FAM107B: variants seen among roughly 807,000 people sequenced by gnomAD.
FAM107B encodes the protein protein FAM107B.
A neutral mutation model predicts 31.5 loss-of-function variants in FAM107B; 21 were observed. That is an observed-to-expected ratio of 0.67 (90% CI 0.47 to 0.96). FAM107B has a LOEUF of 0.96. Among genes scored for constraint, FAM107B ranks in the 40% least tolerant of loss-of-function variants. The pLI is 0.00. For synonymous variants in FAM107B, 157 were observed against 141.5 expected (o/e 1.11, Z -0.78); for missense variants, 452 against 377.1 (o/e 1.20, Z -1.64).
intron 2 of FAM107B, among the ~76,000 whole-genome samples, chr10:14,560,544 G>A (rs1208510509): frequency 6.6e-6 from 1 of 152,172 alleles, no homozygotes; most frequent in Non-Finnish European, 1.5e-5. Context: ...GACTCACTAG[G>A]TAAGCTTGGG....
At chr10:14,647,046 G>T (rs1031662735) in intron 2 of FAM107B, among the ~76,000 whole-genome samples, 1 of 151,742 alleles carries the variant, frequency 6.6e-6, no homozygotes, top group African/African-American at 2.4e-5. Context: ...CGCCTGCCTC[G>T]GCCTCCCAAA....
chr10:14,547,742 A>C (rs566619449), intron 2 of FAM107B, among the ~76,000 whole-genome samples: 1 of 152,350 alleles, frequency 6.6e-6, no homozygotes, highest in South Asian at 2.1e-4. Context: ...TTTCACTCTT[A>C]AAAAGAAAAA....
intron 2 of FAM107B, among the ~76,000 whole-genome samples, chr10:14,552,000 A>G: frequency 6.6e-6 from 1 of 152,300 alleles, no homozygotes; most frequent in East Asian, 1.9e-4. Flanking sequence ...CTTCTGTGAC[A>G]TATGGTGTAG....
chr10:14,676,250 T>C (rs1264321206), intron 1 of FAM107B, among the ~76,000 whole-genome samples: 1 of 151,866 alleles, frequency 6.6e-6, no homozygotes, highest in African/African-American at 2.4e-5. Flanking sequence ...TTACTGGACG[T>C]AATTTTAGAA....
intron 2 of FAM107B, among the ~76,000 whole-genome samples, chr10:14,631,840 C>T (rs1471267486): frequency 1.3e-5 from 2 of 152,130 alleles, no homozygotes; most frequent in African/African-American, 4.8e-5. Flanking sequence ...AATCTGTGAC[C>T]CTCTGTCACC....
At chr10:14,670,379 G>T (rs185947993) in intron 1 of FAM107B, among the ~76,000 whole-genome samples, 1 of 152,122 alleles carries the variant, frequency 6.6e-6, no homozygotes, top group Admixed American at 6.6e-5. Context: ...TTTGAAGTGG[G>T]TATGAATTAA....
intron 2 of FAM107B, among the ~76,000 whole-genome samples, chr10:14,551,889 T>C (rs1315450452): frequency 2.0e-5 from 3 of 152,222 alleles, no homozygotes. Context: ...CAGAACCTTC[T>C]TGGTGGCCTG....
intron 3 of FAM107B, among the ~76,000 whole-genome samples, chr10:14,527,759 T>G (rs1465865047): frequency 6.6e-6 from 1 of 152,202 alleles, no homozygotes. Flanking sequence ...TCAAGACTGG[T>G]TATTCATTAA....
chr10:14,671,904 C>A (rs72770529), intron 1 of FAM107B, among the ~76,000 whole-genome samples: 77,466 of 137,638 alleles, frequency 0.56, 21,856 homozygotes, highest in South Asian at 0.65. Flanking sequence ...AAAAAAAAAA[C>A]CCTCTATTTC....
chr10:14,660,040 C>A (rs997008728), intron 2 of FAM107B, among the ~76,000 whole-genome samples: 5 of 152,142 alleles, frequency 3.3e-5, no homozygotes, highest in Non-Finnish European at 7.4e-5. Flanking sequence ...ACAGCCAACT[C>A]CGAAAATGTG....
chr10:14,662,256 C>T (rs370316937), intron 2 of FAM107B, among the ~76,000 whole-genome samples: 3 of 152,140 alleles, frequency 2.0e-5, no homozygotes, highest in Admixed American at 6.5e-5. Flanking sequence ...CACAGTCGAA[C>T]GGAGTCTTCA....
At chr10:14,733,630 C>T (rs1856225487) in intron 1 of FAM107B, among the ~76,000 whole-genome samples, 3 of 152,188 alleles carry the variant, frequency 2.0e-5, no homozygotes. Context: ...ATAAGGTAAA[C>T]TGTGGTTAAT....
At chr10:14,566,625 C>A (rs1406141003) in intron 2 of FAM107B, among the ~76,000 whole-genome samples, 1 of 152,168 alleles carries the variant, frequency 6.6e-6, no homozygotes, top group East Asian at 1.9e-4. Context: ...GGAACCAACA[C>A]AGGTTGTTTA....
intron 1 of FAM107B, among the ~76,000 whole-genome samples, chr10:14,726,555 A>G (rs1856041124): frequency 6.6e-6 from 1 of 152,204 alleles, no homozygotes. Flanking sequence ...ATATTCCAAG[A>G]TAAAGAACCA....
chr10:14,695,544 T>C (rs751412593), intron 1 of FAM107B, among the ~76,000 whole-genome samples: 1 of 152,228 alleles, frequency 6.6e-6, no homozygotes, highest in Non-Finnish European at 1.5e-5. Flanking sequence ...GGGATTTTGA[T>C]AGGGATTGCA....
At chr10:14,522,346 G>A in intron 3 of FAM107B, 1 of 217,690 alleles carries the variant, frequency 4.6e-6, no homozygotes, top group Non-Finnish European at 9.1e-6. Flanking sequence ...GCCCATGACA[G>A]AGACGGAGAT....
intron 1 of FAM107B, among the ~76,000 whole-genome samples, chr10:14,748,608 C>A (rs1832771158): frequency 1.3e-5 from 2 of 152,194 alleles, no homozygotes; most frequent in African/African-American, 4.8e-5. Context: ...GCATTCTTGG[C>A]CCGACAACAG....
intron 2 of FAM107B, among the ~76,000 whole-genome samples, chr10:14,595,541 T>C (rs1315782355): frequency 6.7e-6 from 1 of 149,740 alleles, no homozygotes; most frequent in Non-Finnish European, 1.5e-5. Context: ...TTCTCCTGCA[T>C]CAGCCTCCCA....
chr10:14,649,648 G>A (rs1344087197), intron 2 of FAM107B, among the ~76,000 whole-genome samples: 2 of 152,134 alleles, frequency 1.3e-5, no homozygotes, highest in Non-Finnish European at 2.9e-5. Flanking sequence ...CCCACTTCGA[G>A]TTGTCCCACC....
Sources: gnomAD v4.1 joint callset for allele counts (sites outside exome capture counted in the v4.1 genomes callset) on GRCh38, gnomAD v4.1.1 for gene constraint, MANE v1.5 for transcripts, NCBI Gene and HGNC (gene_info 2026-07-23, HGNC 2026-07-21) for gene names.